SOX6: variants seen among roughly 807,000 people sequenced by gnomAD.
The protein encoded by SOX6 is SRY-box transcription factor 6, also known as transcription factor SOX-6.
SOX6 carries 11 observed loss-of-function variants against 97.8 expected under a neutral mutation model. The observed-to-expected ratio is 0.11, with a 90% CI of 0.07 to 0.19. SOX6 has a LOEUF of 0.19. Among genes scored for constraint, SOX6 ranks in the 10% least tolerant of loss-of-function variants. The pLI is 1.00. For synonymous variants in SOX6, 360 were observed against 371.4 expected (o/e 0.97, Z 0.35); for missense variants, 810 against 1,039.5 (o/e 0.78, Z 3.04).
At chr11:16,536,958 C>A (rs1462595298) in intron 4 of SOX6, among the ~76,000 whole-genome samples, 1 of 152,192 alleles carries the variant, frequency 6.6e-6, no homozygotes, top group East Asian at 1.9e-4. Context: ...CTGGTTCTCC[C>A]AGCACAGCGT....
chr11:15,970,113 A>T lies in SOX6; in HGVS notation c.*2696T>A, dbSNP rs1314756889. On this transcript the variant is annotated 3_prime_UTR_variant, in exon 16 of 16. Transcript: ENST00000683767. ...GAGGCAAGCCCACACGAGTCGAAACAGATGACTTTTGTTCATGTAGTTTTC... is the reference window on the plus strand; with the variant it reads ...GAGGCAAGCCCACACGAGTCGAAACTGATGACTTTTGTTCATGTAGTTTTC... 1.3e-5 allele frequency: 2 copies of T among 152,314 alleles called. No homozygotes were observed. Among genetic ancestry groups the T allele is most frequent in the Admixed American group, 6.5e-5 (1 of 15,286 alleles). 9.4% of individuals were successfully genotyped at this position (152,314 alleles called of 1,614,324 possible).
chr11:16,736,459 A>G (rs1298883776), exon 2 of SOX6: 2 of 152,242 alleles, frequency 1.3e-5, no homozygotes, highest in East Asian at 3.8e-4. Context: ...TTTACCATCC[A>G]GGTGCCAACA....
intron 4 of SOX6, among the ~76,000 whole-genome samples, chr11:16,485,260 A>G (rs1387083778): frequency 6.6e-6 from 1 of 152,218 alleles, no homozygotes; most frequent in African/African-American, 2.4e-5. Context: ...AAAGGTGGTC[A>G]GCATAAAAAT....
At chr11:15,996,078 C>G (rs1854213238) in intron 13 of SOX6, among the ~76,000 whole-genome samples, 1 of 152,002 alleles carries the variant, frequency 6.6e-6, no homozygotes, top group African/African-American at 2.4e-5. Context: ...CTGGATTTCA[C>G]TAATAAACAG....
chr11:16,681,541 T>A (rs1015372445), intron 3 of SOX6, among the ~76,000 whole-genome samples: 3 of 151,886 alleles, frequency 2.0e-5, no homozygotes, highest in African/African-American at 7.3e-5. Flanking sequence ...AACATCACAA[T>A]TAAAAGACCT....
At chr11:16,312,463 T>C (rs1855632053) in intron 3 of SOX6, 1 of 152,192 alleles carries the variant, frequency 6.6e-6, no homozygotes. Context: ...CAAGACATGA[T>C]AGTGGCTGAA....
At chr11:16,276,010 C>G (rs528860715) in intron 3 of SOX6, among the ~76,000 whole-genome samples, 3 of 152,008 alleles carry the variant, frequency 2.0e-5, no homozygotes, top group Non-Finnish European at 2.9e-5. Context: ...GTACATTAAA[C>G]TAAGTACTTT....
chr11:16,433,962 G>A (rs952802724), intron 1 of SOX6, among the ~76,000 whole-genome samples: 2 of 151,870 alleles, frequency 1.3e-5, no homozygotes, highest in Non-Finnish European at 2.9e-5. Context: ...AGGCCTTCAG[G>A]ATTTTAACCA....
At chr11:16,211,143 T>C (rs1852215695) in intron 4 of SOX6, among the ~76,000 whole-genome samples, 1 of 151,886 alleles carries the variant, frequency 6.6e-6, no homozygotes, top group African/African-American at 2.4e-5. Context: ...TAATAGAAGA[T>C]GAAATTAAAG....
In SOX6 at chr11:16,096,061, A is replaced by G. The variant is rs1404011229; in HGVS notation, c.1036T>C (p.Phe346Leu). The G allele has an allele frequency of 1.9e-6, 3 of 1,611,798 alleles. No individual in the cohort carries two copies. In the African/African-American group the frequency reaches 4.0e-5, roughly 22 times the overall value. The stretch of plus-strand genomic sequence containing the variant: ...TCAAAGGTGTCCAAATTCCTGCCAA[A>G]ACGGTCACTTAGGCCCTTTAGCCTT... ...NQRLKGLSDRFGRNLDTFEHG... is the reference protein window; with the variant it reads ...NQRLKGLSDRLGRNLDTFEHG... The change falls in exon 9 of 16, where the codon TTT (phenylalanine) becomes CTT (leucine). Residue 346 changes from phenylalanine (F) to leucine (L), a missense_variant. Physicochemically the swap from Phe to Leu is conservative, Grantham distance 22. Transcript: ENST00000683767.
chr11:16,282,950 C>T (rs901731324), intron 3 of SOX6, among the ~76,000 whole-genome samples: 12 of 148,048 alleles, frequency 8.1e-5, no homozygotes, highest in Non-Finnish European at 1.0e-4. Flanking sequence ...TCTATAATTG[C>T]CCATATTAAA....
intron 3 of SOX6, chr11:16,315,973 G>A (rs1007824640): frequency 6.6e-6 from 1 of 152,152 alleles, no homozygotes; most frequent in East Asian, 1.9e-4. Context: ...TGAGCAGTGA[G>A]TTTAGTGGGA....
chr11:15,993,905 T>C (rs934739456), intron 13 of SOX6, among the ~76,000 whole-genome samples: 2 of 152,214 alleles, frequency 1.3e-5, no homozygotes, highest in Non-Finnish European at 2.9e-5. Context: ...CCCTTCGTGG[T>C]TAAATTCCAA....
chr11:16,230,683 T>C (rs116233322), intron 4 of SOX6, among the ~76,000 whole-genome samples: 2,232 of 151,830 alleles, frequency 0.015, 30 homozygotes, highest in African/African-American at 0.022. Context: ...AAAATCACTT[T>C]GGAATTTTAA....
At chr11:16,035,764 A>G (rs1855502572) in intron 12 of SOX6, among the ~76,000 whole-genome samples, 1 of 152,218 alleles carries the variant, frequency 6.6e-6, no homozygotes, top group South Asian at 2.1e-4. Flanking sequence ...TATCAGATAC[A>G]ATATATTCCA....
chr11:16,244,379 G>C (rs1027403952), intron 3 of SOX6, among the ~76,000 whole-genome samples: 1 of 151,634 alleles, frequency 6.6e-6, no homozygotes, highest in Non-Finnish European at 1.5e-5. Context: ...TTTTTACCTA[G>C]TCTACAGCAT....
At chr11:16,264,478 C>G (rs1345164529) in intron 3 of SOX6, 1 of 151,936 alleles carries the variant, frequency 6.6e-6, no homozygotes, top group African/African-American at 2.4e-5. Context: ...TTTAATCACT[C>G]TCCTATATGC....
intron 9 of SOX6, among the ~76,000 whole-genome samples, chr11:16,091,953 A>C (rs2133968722): frequency 6.6e-6 from 1 of 152,218 alleles, no homozygotes; most frequent in South Asian, 2.1e-4. Flanking sequence ...TCTGAAGCTA[A>C]TGAAGACAGA....
intron 3 of SOX6, among the ~76,000 whole-genome samples, chr11:16,276,996 A>C (rs1330375809): frequency 2.6e-5 from 4 of 152,190 alleles, no homozygotes; most frequent in Admixed American, 6.5e-5. Context: ...AGTTTAATCT[A>C]AGACATAAAT....
Sources: gnomAD v4.1 joint callset for allele counts (sites outside exome capture counted in the v4.1 genomes callset) on GRCh38, gnomAD v4.1.1 for gene constraint, MANE v1.5 for transcripts, NCBI Gene and HGNC (gene_info 2026-07-23, HGNC 2026-07-21) for gene names.